Variants in XPO1 observed in about 807,000 individuals in gnomAD.
XPO1 encodes exportin 1, also known as exportin-1.
A neutral mutation model predicts 133.3 loss-of-function variants in XPO1; 5 were observed. The observed-to-expected ratio is 0.04, with a 90% CI of 0.02 to 0.08. The LOEUF is 0.08. Among genes scored for constraint, XPO1 ranks in the 10% least tolerant of loss-of-function variants. The pLI is 1.00. For synonymous variants in XPO1, 419 were observed against 408.2 expected, an observed-to-expected ratio of 1.03 and a Z score of -0.32; for missense variants, 506 against 1,267.5, an observed-to-expected ratio of 0.40 and a Z score of 9.12.
At chr2:61,507,533 T>C (rs1697887820) in intron 4 of XPO1, among the ~76,000 whole-genome samples, 1 of 151,952 alleles carries the variant, frequency 6.6e-6, no homozygotes, top group African/African-American at 2.4e-5. Flanking sequence ...ATTGTGTCAC[T>C]GCACTTCAGC....
In XPO1 at chr2:61,503,200, G is replaced by A. The variant is rs1291202177; in HGVS notation, c.302-890C>T. Among the ~76,000 whole-genome samples the A allele has an allele frequency of 7.3e-5, 11 of 150,774 alleles. No individual in the cohort carries two copies. In the South Asian group the frequency reaches 8.4e-4, roughly 11 times the overall value. ...TTGAACTCCTGACCTCAAGTGATCC[G>A]CCCTCCTCGGCCTCCCAAAGTGCTG... On this transcript the variant is annotated intron_variant, in intron 4 of 24. Coordinates refer to ENST00000401558, the MANE Select transcript of XPO1 (RefSeq NM_003400.4).
intron 4 of XPO1, among the ~76,000 whole-genome samples, chr2:61,515,876 G>C (rs1358740377): frequency 6.8e-6 from 1 of 146,162 alleles, no homozygotes; most frequent in African/African-American, 2.6e-5. Flanking sequence ...GAGGTCAGGA[G>C]ATCGAGACCA....
At chr2:61,485,670 G>T in intron 20 of XPO1, 98 bp downstream of exon 20, 2 of 1,005,438 alleles carry the variant, frequency 2.0e-6, no homozygotes, top group Non-Finnish European at 2.9e-6. Flanking sequence ...AAACTCCATG[G>T]CATTAAAATT....
At chr2:61,517,763 C>G (rs1698463557) in intron 4 of XPO1, among the ~76,000 whole-genome samples, 2 of 152,008 alleles carry the variant, frequency 1.3e-5, no homozygotes, top group African/African-American at 4.8e-5. Context: ...CAGTGAGACT[C>G]TATCTCTAAA....
At chr2:61,514,146 C>T (rs1229283112) in intron 4 of XPO1, among the ~76,000 whole-genome samples, 1 of 150,590 alleles carries the variant, frequency 6.6e-6, no homozygotes, top group Admixed American at 6.6e-5. Flanking sequence ...GAGATTGTGC[C>T]ACCACACTCC....
At chr2:61,535,939 A>T (rs1699339053) in intron 1 of XPO1, among the ~76,000 whole-genome samples, 3 of 152,266 alleles carry the variant, frequency 2.0e-5, no homozygotes, top group Admixed American at 6.5e-5. Flanking sequence ...CAATGTCCAC[A>T]AAGCACCAAG....
intron 4 of XPO1, among the ~76,000 whole-genome samples, chr2:61,507,811 G>A (rs951594910): frequency 6.6e-6 from 1 of 152,124 alleles, no homozygotes; most frequent in Non-Finnish European, 1.5e-5. Context: ...CTGGGAGGTG[G>A]AGAAAGAGAA....
At chr2:61,513,885 A>T (rs1268007820) in intron 4 of XPO1, among the ~76,000 whole-genome samples, 1 of 152,270 alleles carries the variant, frequency 6.6e-6, no homozygotes, top group East Asian at 1.9e-4. Flanking sequence ...AGCCCAATAA[A>T]AACTGGGCAA....
chr2:61,537,215 T>C (rs558810970), intron 1 of XPO1: 19 of 151,566 alleles, frequency 1.3e-4, no homozygotes, highest in African/African-American at 4.4e-4. Context: ...GTTCCTGAAA[T>C]CACCCCAACT....
chr2:61,482,858 CAT>C, intron 22 of XPO1, 97 bp downstream of exon 22: 2 of 1,451,358 alleles, frequency 1.4e-6, no homozygotes, highest in Non-Finnish European at 1.9e-6. Context: ...CTCCTGACCT[CAT>C]AATCTCCCCG....
chr2:61,514,122 G>C (rs1698235021), intron 4 of XPO1, among the ~76,000 whole-genome samples: 1 of 151,850 alleles, frequency 6.6e-6, no homozygotes, highest in Non-Finnish European at 1.5e-5. Flanking sequence ...AGGAGGCAGA[G>C]GTTGCAGTGA....
At chr2:61,503,646 G>A (rs893165426) in intron 4 of XPO1, among the ~76,000 whole-genome samples, 10 of 151,778 alleles carry the variant, frequency 6.6e-5, no homozygotes, top group Admixed American at 2.0e-4. Flanking sequence ...GGATGGTCTC[G>A]ATCTCCTGAC....
intron 10 of XPO1, among the ~76,000 whole-genome samples, chr2:61,495,982 T>C (rs1017513799): frequency 1.3e-5 from 2 of 152,092 alleles, no homozygotes; most frequent in African/African-American, 4.8e-5. Context: ...ACTATTATTT[T>C]TAAGCCCTAA....
intron 9 of XPO1, among the ~76,000 whole-genome samples, chr2:61,498,256 G>C (rs1444813074): frequency 6.6e-6 from 1 of 152,136 alleles, no homozygotes; most frequent in African/African-American, 2.4e-5. Flanking sequence ...CACCACGCCT[G>C]GCTGTTTTGT....
rs1696937624 is a variant in XPO1, at chr2:61,490,697, T to C, written c.1967A>G (p.Lys656Arg). Residue 656 changes from lysine to arginine, a missense_variant, in exon 17 of 25, where the codon AAG (lysine) becomes AGG (arginine). Lys to Arg is a conservative substitution (Grantham distance 26). Coordinates refer to ENST00000401558, the MANE Select transcript of XPO1 (RefSeq NM_003400.4). Reference sequence around the variant, plus strand: ...CACTTGATTAGGGAGTAACATGTACTTTTCTATCAAGTGTTCTTGTACTGT... The same window carrying C: ...CACTTGATTAGGGAGTAACATGTACCTTTCTATCAAGTGTTCTTGTACTGT... ...DQTVQEHLIEKYMLLPNQVWD... is the reference protein window; with the variant it reads ...DQTVQEHLIERYMLLPNQVWD... 1 of 1,614,210 alleles carries C rather than the reference T, an allele frequency of 6.2e-7. No homozygotes were observed.
chr2:61,488,866 C>A, intron 17 of XPO1, 95 bp from the exon 18 acceptor site: 2 of 1,349,246 alleles, frequency 1.5e-6, no homozygotes, highest in South Asian at 1.4e-5. Flanking sequence ...CTCTGAGAGG[C>A]CGAGGCGGGC....
chr2:61,499,967 T>C, intron 6 of XPO1, 73 bp from the exon 7 acceptor site: 6 of 1,421,028 alleles, frequency 4.2e-6, no homozygotes, highest in Middle Eastern at 2.3e-4. Flanking sequence ...AAAGAAATTA[T>C]GTAATGGATA....
At chr2:61,494,303 T>C (rs1221930551) in intron 11 of XPO1, 1 of 469,080 alleles carries the variant, frequency 2.1e-6, no homozygotes, top group Non-Finnish European at 3.8e-6. Flanking sequence ...CACATAGTAG[T>C]TGATCAATAT....
rs771924460 is a variant in XPO1, at chr2:61,492,894, T to G, written c.1384+21A>C. On this transcript the variant is annotated intron_variant, in intron 13 of 24. Transcript: ENST00000401558. The surrounding 1 kb of genome is among the most constrained non-coding windows in gnomAD (Gnocchi z 5.6). ...AGAATAGATTTATAAAGGTAAAGATTAACAGTATTTATTAACTTACCCAAT... is the reference window on the plus strand; with the variant it reads ...AGAATAGATTTATAAAGGTAAAGATGAACAGTATTTATTAACTTACCCAAT... The G allele has an allele frequency of 2.5e-6, 4 of 1,584,046 alleles. No individual in the cohort carries two copies. In the East Asian group the frequency reaches 8.9e-5, roughly 35 times the overall value.
Sources: allele counts gnomAD v4.1 joint callset (sites outside exome capture counted in the v4.1 genomes callset), GRCh38; gene constraint gnomAD v4.1.1; non-coding constraint Gnocchi (gnomAD v3.1); transcripts MANE v1.5; gene names NCBI Gene and HGNC (gene_info 2026-07-23, HGNC 2026-07-21).